The following DMXL1 variants were observed in gnomAD, a reference collection of about 807,000 sequenced individuals.
The protein encoded by DMXL1 is Dmx like 1.
Under a neutral mutation model 319.2 loss-of-function variants are expected in DMXL1, and 99 were observed. The ratio of observed to expected loss-of-function variants is 0.31; its 90% confidence interval spans 0.26 to 0.37. DMXL1 has a LOEUF of 0.37. Among genes scored for constraint, DMXL1 ranks in the 10% least tolerant of loss-of-function variants. The pLI is 1.00. For synonymous variants in DMXL1, 1,385 were observed against 1,235.2 expected (o/e 1.12, Z -2.54); for missense variants, 3,745 against 3,595.6 (o/e 1.04, Z -1.06).
rs1430281794 is a variant in DMXL1 at position 119,167,657 on chromosome 5, T to C, written c.5191T>C (p.Tyr1731His). 8.7e-6 allele frequency: 14 copies of C among 1,609,136 alleles called. No individual in the cohort carries two copies. The highest frequency in any genetic ancestry group is 1.1e-5 in the Non-Finnish European group (13 of 1,176,034). The change falls in exon 23 of 44, where the codon TAT (tyrosine) becomes CAT (histidine). Residue 1731 changes from tyrosine (Y) to histidine (H), a missense_variant. Coordinates refer to ENST00000539542, the MANE Select transcript of DMXL1 (RefSeq NM_001290321.3). ...IQLALVIARL[Y>H]ESEFDTSAAY... ...GTTGGCTCTTGTAATAGCAAGACTC[T>C]ATGAGTCTGAATTTGATACATCTGC...
chr5:119,196,456 G>A lies in DMXL1; in HGVS notation c.7543G>A (p.Glu2515Lys). 6.2e-7 allele frequency: 1 copy of A among 1,608,044 alleles called. No individual in the cohort carries two copies. Among genetic ancestry groups the A allele is most frequent in the Non-Finnish European group, 8.5e-7 (1 of 1,175,734 alleles). ...TCCCTTCGCAGGTCATGATCTTGCAGGTAATAAATAGCTCAACATGAGCTA... is the reference window on the plus strand; with the variant it reads ...TCCCTTCGCAGGTCATGATCTTGCAAGTAATAAATAGCTCAACATGAGCTA... ...FYPFAGHDLA[E>K]LPVSSPLCHA... Residue 2515 changes from glutamate to lysine, a missense_variant and splice_region_variant, in exon 31 of 44, where the codon GAG becomes AAG. Physicochemically the swap from Glu to Lys is moderately conservative, Grantham distance 56 (BLOSUM62 1). This residue lies in a region of DMXL1 where 1,382 missense variants were observed against 1,269.5 expected (regional missense o/e 1.09). Transcript: ENST00000539542.
chr5:119,086,226 G>T (rs187299142), intron 1 of DMXL1, among the ~76,000 whole-genome samples: 8 of 152,228 alleles, frequency 5.3e-5, no homozygotes, highest in Admixed American at 2.0e-4. Context: ...ATTCACTACC[G>T]TGAAAACAGT....
rs144657193 is a variant in DMXL1 at position 119,148,945 on chromosome 5, A to G, written c.3118A>G (p.Ile1040Val). 1,661 of 1,613,930 alleles carry G rather than the reference A, an allele frequency of 1.0e-3. 12 individuals carry two copies. The African/African-American group carries it at 0.02, about 19-fold the overall frequency. ...AGATGGACTTCAGAGCAATAGTAGT[A>G]TAACTGTACCTGGTAGGCCTGTAGA... is the stretch of plus-strand genomic sequence containing the variant. Reference protein sequence around the residue: ...IEDGLQSNSSITVPGRPVEVS... With the variant: ...IEDGLQSNSSVTVPGRPVEVS... The change falls in exon 18 of 44, where the codon ATA becomes GTA. Residue 1040 changes from isoleucine to valine, a missense_variant. By Grantham distance (29) the Ile-to-Val change is conservative (BLOSUM62 3). Coordinates refer to ENST00000539542, the MANE Select transcript of DMXL1 (RefSeq NM_001290321.3).
intron 37 of DMXL1, among the ~76,000 whole-genome samples, chr5:119,222,860 T>C (rs1443683609): frequency 6.6e-6 from 1 of 152,098 alleles, no homozygotes; most frequent in African/African-American, 2.4e-5. Flanking sequence ...TCAGGAGCCC[T>C]TGACTTTCCT....
chr5:119,245,849 G>T (rs947196575), intron 43 of DMXL1, among the ~76,000 whole-genome samples: 2 of 151,178 alleles, frequency 1.3e-5, no homozygotes, highest in African/African-American at 2.4e-5. Context: ...GCCTAGATTG[G>T]TTCTTTAGTT....
In DMXL1 at chr5:119,177,285, G is replaced by A. The variant is rs569655136; in HGVS notation, c.6759-72G>A. On this transcript the variant is annotated intron_variant, in intron 26 of 43. Transcript: ENST00000539542. ...TTAATAAACAAAAATTGATACTCTT[G>A]AAAGTAGATCTGAAACATGAAAATA... 207 of 1,109,856 alleles carry A rather than the reference G, an allele frequency of 1.9e-4. 2 individuals carry two copies. The South Asian group carries it at 4.0e-3, about 21-fold the overall frequency. 68.8% of individuals were successfully genotyped at this position (1,109,856 alleles called of 1,614,324 possible).
chr5:119,147,128 CAT>C, intron 16 of DMXL1, 119 bp from the exon 17 acceptor site: 2 of 1,108,546 alleles, frequency 1.8e-6, no homozygotes, highest in Non-Finnish European at 2.6e-6. Context: ...TGTGAAGAAT[CAT>C]ATTAATATGT....
intron 3 of DMXL1, among the ~76,000 whole-genome samples, chr5:119,104,812 C>T (rs893132560): frequency 2.0e-5 from 3 of 152,112 alleles, no homozygotes; most frequent in African/African-American, 7.2e-5. Context: ...ATTATGATCT[C>T]AGATGGGGAC....
Position 119,114,535 on chromosome 5 carries a change from TG to T in DMXL1, c.561del (p.Lys188ArgfsTer6). 1 of 1,606,250 alleles carries T rather than the reference TG, an allele frequency of 6.2e-7. No homozygotes were observed. Among genetic ancestry groups the T allele is most frequent in the Non-Finnish European group, 8.5e-7 (1 of 1,177,106 alleles). ...CAGATGGAGAATTTTTTGCCACTGCTGGGAAGGTAAATTGTGAAAATGCTAT... is the reference window on the plus strand; with the variant it reads ...CAGATGGAGAATTTTTTGCCACTGCTGGAAGGTAAATTGTGAAAATGCTAT... ...SPDGEFFATA[G>X]KDDCLLKVWY... On this transcript the variant is annotated frameshift_variant, in exon 6 of 44. Transcript: ENST00000539542. LOFTEE classifies it high-confidence loss of function.
intron 34 of DMXL1, among the ~76,000 whole-genome samples, chr5:119,216,094 CAA>C (rs773591355): frequency 0.031 from 1,142 of 37,000 alleles, 4 homozygotes; most frequent in African/African-American, 0.11. Flanking sequence ...GCATCCATCT[CAA>C]AAAAAAAAAA....
chr5:119,138,275 T>G (rs1766490302), intron 13 of DMXL1, among the ~76,000 whole-genome samples: 3 of 152,222 alleles, frequency 2.0e-5, no homozygotes, highest in Non-Finnish European at 2.9e-5. Context: ...CTCCCAAGGT[T>G]TGTGATTGAA....
intron 38 of DMXL1, among the ~76,000 whole-genome samples, chr5:119,228,914 T>A (rs1382823233): frequency 6.6e-6 from 1 of 152,088 alleles, no homozygotes; most frequent in African/African-American, 2.4e-5. Context: ...ACCTTAGATA[T>A]TTTAATATTG....
At chr5:119,166,313 C>G (rs1025491764) in intron 21 of DMXL1, among the ~76,000 whole-genome samples, 3 of 152,128 alleles carry the variant, frequency 2.0e-5, no homozygotes, top group African/African-American at 7.2e-5. Context: ...TGATGAGTTT[C>G]AATGGTGGCA....
At chr5:119,116,060 A>G (rs1056726853) in intron 6 of DMXL1, 98 bp from the exon 7 acceptor site, 31 of 1,133,656 alleles carry the variant, frequency 2.7e-5, no homozygotes, top group Non-Finnish European at 3.6e-5. Context: ...CCCATCCCCA[A>G]GTTCTTGCCA....
intron 37 of DMXL1, among the ~76,000 whole-genome samples, chr5:119,224,508 A>G (rs1416021605): frequency 1.3e-5 from 2 of 152,026 alleles, no homozygotes; most frequent in East Asian, 3.8e-4. Context: ...GATCCTAGTC[A>G]GTAATGCCCA....
intron 38 of DMXL1, among the ~76,000 whole-genome samples, chr5:119,232,823 T>A (rs1002849865): frequency 3.3e-5 from 5 of 150,264 alleles, no homozygotes; most frequent in East Asian, 2.0e-4. Context: ...AAAAAAAAAA[T>A]TAACTACAAA....
intron 34 of DMXL1, among the ~76,000 whole-genome samples, chr5:119,210,756 C>CTTTTTTTTTTTTTTTTTTT (rs1205202596): frequency 1.2e-4 from 8 of 65,930 alleles, no homozygotes; most frequent in African/African-American, 2.5e-4. Flanking sequence ...TTTTTTCTTT[C>CTTTTTTTTTTTTTTTTTTT]GTTTTTTTTT....
At chr5:119,156,541 AACTTC>A (rs1338954181) in intron 19 of DMXL1, among the ~76,000 whole-genome samples, 5 of 152,178 alleles carry the variant, frequency 3.3e-5, no homozygotes, top group East Asian at 3.8e-4. Flanking sequence ...TTGTGAAGAA[AACTTC>A]ACTTAACATT....
chr5:119,157,645 A>T (rs1771401181), intron 19 of DMXL1, among the ~76,000 whole-genome samples: 1 of 152,010 alleles, frequency 6.6e-6, no homozygotes, highest in African/African-American at 2.4e-5. Flanking sequence ...GTATGGGTTG[A>T]TTTCCGTGCC....
Sources: gnomAD v4.1 joint callset for allele counts (sites outside exome capture counted in the v4.1 genomes callset) on GRCh38, gnomAD v4.1.1 for gene constraint, gnomAD v4.1.1 regional missense constraint, MANE v1.5 for transcripts, NCBI Gene and HGNC (gene_info 2026-07-23, HGNC 2026-07-21) for gene names.